The following NEDD4 variants were observed in gnomAD, a reference collection of about 807,000 sequenced individuals.
NEDD4 encodes the protein E3 ubiquitin-protein ligase NEDD4.
In NEDD4, 99 loss-of-function variants were observed where a neutral mutation model predicts 144.9. The ratio of observed to expected loss-of-function variants is 0.68; its 90% CI spans 0.58 to 0.81. The LOEUF (loss-of-function observed/expected upper bound fraction) is 0.81. Ranked by LOEUF, NEDD4 falls within the 30% of genes least tolerant of loss-of-function variation. The pLI, the probability that NEDD4 is intolerant of heterozygous loss-of-function variation, is 0.00. For synonymous variants in NEDD4, 318 were observed against 350.6 expected (o/e 0.91, Z 1.04); for missense variants, 985 against 1,065.9 (o/e 0.92, Z 1.06).
At chr15:55,962,603 A>C (rs12440431) in intron 2 of NEDD4, among the ~76,000 whole-genome samples, 20,390 of 147,732 alleles carry the variant, frequency 0.14, 1,480 homozygotes, top group East Asian at 0.33. Flanking sequence ...GCCACCACAC[A>C]CAGCTAATTT....
chr15:55,986,580 C>CTTTTTTTTTTTT lies in NEDD4; in HGVS notation c.45+6919_45+6930dup, dbSNP rs58470215. Reference sequence around the variant, plus strand: ...TCGTAGGATGTAAGGCCTGTCCTTGCTTTTTTTTTTTTTTTTTTTTTTTTT... The same window carrying CTTTTTTTTTTTT: ...TCGTAGGATGTAAGGCCTGTCCTTGCTTTTTTTTTTTTTTTTTTTTTTTTTTTTTTTTTTTTT... On this transcript the variant is annotated intron_variant, in intron 1 of 28. Transcript: ENST00000435532. Among the ~76,000 whole-genome samples the CTTTTTTTTTTTT allele has an allele frequency of 2.1e-4, 16 of 76,434 alleles. 1 individual carries two copies. The highest frequency in any genetic ancestry group is 9.5e-4 in the African/African-American group (16 of 16,806). 50.1% of individuals were successfully genotyped at this position (76,434 alleles called of 152,430 possible).
intron 5 of NEDD4, chr15:55,915,878 A>C (rs760570616): frequency 6.2e-7 from 1 of 1,614,006 alleles, no homozygotes; most frequent in Non-Finnish European, 8.5e-7. Context: ...CTGTTGAAAG[A>C]AATCCTTTAG....
At chr15:55,953,731 C>T (rs769224426) in intron 2 of NEDD4, among the ~76,000 whole-genome samples, 33 of 151,212 alleles carry the variant, frequency 2.2e-4, no homozygotes, top group Non-Finnish European at 3.2e-4. Flanking sequence ...CATGAGCCAA[C>T]ATGCCCGGCT....
At chr15:55,961,204 C>A (rs537059992) in intron 2 of NEDD4, among the ~76,000 whole-genome samples, 1 of 152,098 alleles carries the variant, frequency 6.6e-6, no homozygotes, top group Non-Finnish European at 1.5e-5. Context: ...CCTAAGAATA[C>A]CCATGAAAGG....
rs1490390519 is a variant in NEDD4, at chr15:55,833,041, G to A, written c.2494C>T (p.Arg832Trp). Residue 832 changes from arginine to tryptophan, a missense_variant, in exon 27 of 29, where the codon CGG becomes TGG. Arg to Trp is a moderately radical substitution (Grantham distance 101). Transcript: ENST00000435532. Reference sequence around the variant, plus strand: ...TCAGCAAATCCATTCATAGGCACCCGAGATGTGCCAGTGACAAACTGAAGT... The same window carrying A: ...TCAGCAAATCCATTCATAGGCACCCAAGATGTGCCAGTGACAAACTGAAGT... The part of the protein sequence containing the change: ...RLLQFVTGTS[R>W]VPMNGFAELY... 6 of 1,612,844 alleles carry A rather than the reference G, an allele frequency of 3.7e-6. No individual in the cohort carries two copies. Among genetic ancestry groups the A allele is most frequent in the Non-Finnish European group, 5.1e-6 (6 of 1,179,296 alleles).
At chr15:55,858,587 G>A (rs1370992751) in intron 11 of NEDD4, among the ~76,000 whole-genome samples, 4 of 152,122 alleles carry the variant, frequency 2.6e-5, no homozygotes, top group Non-Finnish European at 4.4e-5. Flanking sequence ...GATTACAGGC[G>A]TGAGCCACCA....
In NEDD4 at chr15:55,840,649, A is replaced by G; in HGVS notation, c.1917T>C (p.Gly639=). The change falls in exon 20 of 29, where the codon GGT becomes GGC. Residue 639 remains glycine, a synonymous_variant. Coordinates refer to ENST00000435532, the MANE Select transcript of NEDD4 (RefSeq NM_006154.4). The part of the protein sequence containing the change: ...EDHLSYFKFI[G]RVAGMAVYHG... ...GATAAACTGCCATTCCAGCTACCCG[A>G]CCAATAAACTTGAAGTAAGAGAGGT... 6.2e-7 allele frequency: 1 copy of G among 1,614,138 alleles called. No individual in the cohort carries two copies.
At chr15:55,853,800 C>A (rs75102172) in intron 12 of NEDD4, among the ~76,000 whole-genome samples, 3,151 of 152,192 alleles carry the variant, frequency 0.021, 119 homozygotes, top group African/African-American at 0.072. Flanking sequence ...GCCAGCCTGG[C>A]CAACATGGTG....
rs375420746 is a variant in NEDD4 at position 55,850,655 on chromosome 15, C to T, written c.1234G>A (p.Val412Met). The T allele has an allele frequency of 3.5e-5, 56 of 1,614,130 alleles. No individual in the cohort carries two copies. The East Asian group carries it at 1.2e-3, about 35-fold the overall frequency. Residue 412 changes from valine (V) to methionine (M), a missense_variant, in exon 14 of 29, where the codon GTG (valine) becomes ATG (methionine). Physicochemically the swap from Val to Met is conservative, Grantham distance 21. Transcript: ENST00000435532. The stretch of plus-strand genomic sequence containing the variant: ...TGCTCAATTTCAGATGGCTGGGTCA[C>T]CTGCTGGCCTGAATCACTGGTGGAG... ...QASTSDSGQQ[V>M]TQPSEIEQGF...
chr15:55,942,030 G>A (rs1307193351), intron 4 of NEDD4, among the ~76,000 whole-genome samples: 1 of 151,432 alleles, frequency 6.6e-6, no homozygotes, highest in Non-Finnish European at 1.5e-5. Context: ...TAACATGATT[G>A]GTAGTGTTGT....
At chr15:55,905,101 A>AG in intron 5 of NEDD4, 1 of 324,284 alleles carries the variant, frequency 3.1e-6, no homozygotes, top group Non-Finnish European at 6.0e-6. Context: ...TCAAAAAAAA[A>AG]AAAAAGAAAA....
At chr15:55,988,864 T>C (rs2037941935) in intron 1 of NEDD4, among the ~76,000 whole-genome samples, 1 of 151,104 alleles carries the variant, frequency 6.6e-6, no homozygotes, top group Admixed American at 6.6e-5. Flanking sequence ...GTGAAAAGGT[T>C]AACAGTTGCA....
At chr15:55,866,662 G>T (rs1435140814) in intron 8 of NEDD4, among the ~76,000 whole-genome samples, 3 of 152,076 alleles carry the variant, frequency 2.0e-5, no homozygotes, top group East Asian at 3.8e-4. Context: ...GCTTCTTAGA[G>T]ATTTCTCTCT....
At chr15:55,903,097 CA>C (rs1250952007) in intron 5 of NEDD4, among the ~76,000 whole-genome samples, 1 of 151,976 alleles carries the variant, frequency 6.6e-6, no homozygotes, top group Non-Finnish European at 1.5e-5. Flanking sequence ...TTTTTTCACT[CA>C]ACAATGGCCA....
At chr15:55,884,034 C>G (rs1374032776) in intron 5 of NEDD4, among the ~76,000 whole-genome samples, 1 of 152,118 alleles carries the variant, frequency 6.6e-6, no homozygotes, top group Non-Finnish European at 1.5e-5. Flanking sequence ...CACCTGCCAC[C>G]ATGTCTGGCT....
At chr15:55,945,734 G>T (rs1481219625) in intron 4 of NEDD4, among the ~76,000 whole-genome samples, 1 of 151,872 alleles carries the variant, frequency 6.6e-6, no homozygotes, top group Non-Finnish European at 1.5e-5. Context: ...TGAAATGAAG[G>T]AAAAAATGTT....
intron 5 of NEDD4, among the ~76,000 whole-genome samples, chr15:55,880,618 G>A (rs2035153420): frequency 1.3e-5 from 2 of 152,242 alleles, no homozygotes; most frequent in South Asian, 4.1e-4. Context: ...CAAAATGAGG[G>A]AGTGTGCCGT....
intron 5 of NEDD4, among the ~76,000 whole-genome samples, chr15:55,877,766 A>G (rs1417425420): frequency 2.6e-5 from 4 of 152,082 alleles, no homozygotes; most frequent in Non-Finnish European, 5.9e-5. Flanking sequence ...TCCCATTTAT[A>G]CATTCTAATT....
chr15:55,852,245 C>G (rs755478346), intron 13 of NEDD4, among the ~76,000 whole-genome samples, 179 bp downstream of exon 13: 1 of 150,904 alleles, frequency 6.6e-6, no homozygotes, highest in Non-Finnish European at 1.5e-5. Flanking sequence ...CAGTGAGCCA[C>G]GATCACGCCA....
Sources: allele counts gnomAD v4.1 joint callset (sites outside exome capture counted in the v4.1 genomes callset), GRCh38; gene constraint gnomAD v4.1.1; transcripts MANE v1.5; gene names NCBI Gene and HGNC (gene_info 2026-07-23, HGNC 2026-07-21).